Variants in PCDHGA2 observed in about 807,000 individuals in gnomAD.
PCDHGA2 encodes protocadherin gamma subfamily A, 2.
Under a neutral mutation model 59.2 loss-of-function variants are expected in PCDHGA2, and 40 were observed. The ratio of observed to expected loss-of-function variants is 0.68; its 90% confidence interval spans 0.52 to 0.88. PCDHGA2 has a LOEUF of 0.88. Among genes scored for constraint, PCDHGA2 ranks in the 40% least tolerant of loss-of-function variants. PCDHGA2 has a pLI of 0.00. For missense variants in PCDHGA2, 1,226 were observed against 1,204.0 expected (o/e 1.02, Z -0.27); for synonymous variants, 560 against 526.0 (o/e 1.06, Z -0.89).
chr5:141,379,850 ATTATTGTCTTATTCTTAT>A (rs1302175225), intron 1 of PCDHGA2, among the ~76,000 whole-genome samples: 1 of 133,230 alleles, frequency 7.5e-6, no homozygotes, highest in African/African-American at 2.8e-5. Flanking sequence ...AAACTACCAA[ATTATTGTCTTATTCTTAT>A]TTTATGGTCT....
intron 1 of PCDHGA2, chr5:141,422,211 C>G: frequency 6.4e-7 from 1 of 1,563,286 alleles, no homozygotes; most frequent in Non-Finnish European, 8.6e-7. Context: ...GTGGAGGTCT[C>G]TTTACCACCA....
At chr5:141,407,415 A>C (rs1561707597) in intron 1 of PCDHGA2, among the ~76,000 whole-genome samples, 1 of 152,228 alleles carries the variant, frequency 6.6e-6, no homozygotes, top group Non-Finnish European at 1.5e-5. Flanking sequence ...TCGATACCAC[A>C]AAAATGTCTC....
chr5:141,339,454 C>T lies in PCDHGA2; in HGVS notation c.483C>T (p.Asp161=), dbSNP rs780869328. The change falls in exon 1 of 4, where the codon GAC becomes GAT. Residue 161 remains aspartate, a synonymous_variant. Transcript: ENST00000394576. The stretch of plus-strand genomic sequence containing the variant: ...CTCTTAAGAATGCGCATGATGCAGA[C>T]GTAGGTGAGAACGCCCTTCAGAAGT... ...RIPLKNAHDA[D]VGENALQKYA... 49 of 1,614,098 alleles carry T rather than the reference C, an allele frequency of 3.0e-5. No individual in the cohort carries two copies. The highest frequency in any genetic ancestry group is 7.7e-5 in the South Asian group (7 of 91,082).
intron 1 of PCDHGA2, chr5:141,350,431 G>A (rs1758473028): frequency 6.2e-7 from 1 of 1,610,338 alleles, no homozygotes; most frequent in Admixed American, 1.7e-5. Context: ...TCAGTGTCCG[G>A]GAGTTGCCAA....
Position 141,339,352 on chromosome 5 carries a change from C to T in PCDHGA2, c.381C>T (p.Asn127=), listed in dbSNP as rs750765335. 1.9e-6 allele frequency: 3 copies of T among 1,614,166 alleles called. No individual in the cohort carries two copies. Among genetic ancestry groups the T allele is most frequent in the South Asian group, 1.1e-5 (1 of 91,080 alleles). Reference sequence around the variant, plus strand: ...TAGAGGTGGAAATAACAGATATTAACGATAATGCCCCTCGCTTTGGAGTAG... The same window carrying T: ...TAGAGGTGGAAATAACAGATATTAATGATAATGCCCCTCGCTTTGGAGTAG... ...YSVEVEITDI[N]DNAPRFGVEE... is the part of the protein sequence containing the mutation. The change falls in exon 1 of 4, where the codon AAC becomes AAT. Residue 127 remains asparagine, a synonymous_variant. Transcript: ENST00000394576.
At chr5:141,345,975 G>A (rs1415357777) in intron 1 of PCDHGA2, 2 of 1,613,514 alleles carry the variant, frequency 1.2e-6, no homozygotes, top group South Asian at 2.2e-5. Flanking sequence ...GGCCGTCCAG[G>A]ACCACGGCCA....
intron 1 of PCDHGA2, chr5:141,428,659 G>A: frequency 6.1e-6 from 1 of 164,982 alleles, no homozygotes; most frequent in East Asian, 1.8e-4. Context: ...GAGTTCCAAT[G>A]AATGTCTTTC....
chr5:141,394,907 T>C (rs1477088272), intron 1 of PCDHGA2: 2 of 1,613,640 alleles, frequency 1.2e-6, no homozygotes, highest in Non-Finnish European at 1.7e-6. Context: ...TGGCAGTGGC[T>C]GCCATCTCCT....
chr5:141,459,044 A>T (rs2098959649), intron 1 of PCDHGA2, among the ~76,000 whole-genome samples: 1 of 152,204 alleles, frequency 6.6e-6, no homozygotes, highest in Non-Finnish European at 1.5e-5. Flanking sequence ...TACCAGCTAT[A>T]TTGAAGTATA....
chr5:141,399,890 T>A, intron 1 of PCDHGA2: 1 of 1,612,638 alleles, frequency 6.2e-7, no homozygotes, highest in South Asian at 1.1e-5. Context: ...ACCAAGGTAG[T>A]GGCCGTGGAC....
chr5:141,465,881 G>T (rs1000308014), intron 1 of PCDHGA2, among the ~76,000 whole-genome samples: 1 of 151,960 alleles, frequency 6.6e-6, no homozygotes, highest in African/African-American at 2.4e-5. Flanking sequence ...CCAGCACTTT[G>T]GGAGGCCGAG....
intron 1 of PCDHGA2, chr5:141,361,653 C>G (rs757588144): frequency 6.2e-7 from 1 of 1,613,770 alleles, no homozygotes; most frequent in Non-Finnish European, 8.5e-7. Flanking sequence ...CCTACGTGTC[C>G]GTGAGCGCGC....
At chr5:141,422,812 T>A in intron 1 of PCDHGA2, 1 of 1,614,206 alleles carries the variant, frequency 6.2e-7, no homozygotes, top group Non-Finnish European at 8.5e-7. Context: ...GTTTCGAGAC[T>A]TAGAACTGAG....
intron 1 of PCDHGA2, chr5:141,393,205 C>A: frequency 6.2e-7 from 1 of 1,613,504 alleles, no homozygotes; most frequent in Non-Finnish European, 8.5e-7. Flanking sequence ...GATAATAACC[C>A]AAAATTCCAG....
chr5:141,473,029 G>A (rs62379204), intron 1 of PCDHGA2, among the ~76,000 whole-genome samples: 15,982 of 147,800 alleles, frequency 0.11, 873 homozygotes, highest in South Asian at 0.15. Flanking sequence ...AAGGAAGGAA[G>A]GAAGGAAAGA....
intron 1 of PCDHGA2, chr5:141,384,777 G>A: frequency 1.2e-6 from 2 of 1,613,860 alleles, no homozygotes; most frequent in Non-Finnish European, 1.7e-6. Context: ...CGGGCGAGGT[G>A]CGCACGGCTC....
In PCDHGA2 at chr5:141,490,949, A is replaced by G. The variant is rs2074912; in HGVS notation, c.2425-3858A>G. On this transcript the variant is annotated intron_variant, in intron 1 of 3. Coordinates refer to ENST00000394576, the MANE Select transcript of PCDHGA2 (RefSeq NM_018915.4). The surrounding 1 kb of genome is among the most constrained non-coding windows in gnomAD (Gnocchi z 5.4). ...CCAGCTGTGCTGCACCCACGGCCAG[A>G]CTGGGAACACTCAGCCCCCCAGCGT... 0.21 allele frequency: 331,850 copies of G among 1,613,352 alleles called. 36,311 individuals carry two copies. The highest frequency in any genetic ancestry group is 0.37 in the Admixed American group (22,349 of 59,972).
At chr5:141,376,213 G>A (rs754053100) in intron 1 of PCDHGA2, 3 of 1,614,224 alleles carry the variant, frequency 1.9e-6, no homozygotes, top group South Asian at 1.1e-5. Flanking sequence ...TCGTCATCGT[G>A]CTGCTGGCGC....
intron 1 of PCDHGA2, chr5:141,409,456 C>T: frequency 1.2e-6 from 2 of 1,613,974 alleles, no homozygotes; most frequent in Middle Eastern, 3.3e-4. Context: ...CACCAGAATA[C>T]AATGTCACCA....
Sources: allele counts gnomAD v4.1 joint callset (sites outside exome capture counted in the v4.1 genomes callset), GRCh38; gene constraint gnomAD v4.1.1; non-coding constraint Gnocchi (gnomAD v3.1); transcripts MANE v1.5; gene names NCBI Gene and HGNC (gene_info 2026-07-23, HGNC 2026-07-21).